The following NCAM2 variants were observed in gnomAD, a reference collection of about 807,000 sequenced individuals.
NCAM2 encodes the protein N-CAM-2.
Under a neutral mutation model 98.1 loss-of-function variants are expected in NCAM2, and 30 were observed. That is an observed-to-expected ratio of 0.31 (90% confidence interval 0.23 to 0.41). NCAM2 has a LOEUF of 0.41. Ranked by LOEUF, NCAM2 falls within the 10% of genes least tolerant of loss-of-function variation. The pLI, the probability that NCAM2 is intolerant of heterozygous loss-of-function variation, is 1.00. For synonymous variants in NCAM2, 368 were observed against 342.4 expected (o/e 1.07, Z -0.83); for missense variants, 867 against 1,005.8 (o/e 0.86, Z 1.87).
intron 12 of NCAM2, chr21:21,463,680 A>G (rs374519711): frequency 1.3e-5 from 2 of 152,094 alleles, no homozygotes; most frequent in East Asian, 1.9e-4. Context: ...GGGAAATTCC[A>G]TTCTGAGTTG....
intron 14 of NCAM2, among the ~76,000 whole-genome samples, chr21:21,474,471 A>G (rs1024520445): frequency 2.0e-5 from 3 of 152,114 alleles, no homozygotes; most frequent in South Asian, 2.1e-4. Flanking sequence ...TACCTGAAGG[A>G]CATGACATCT....
At chr21:21,364,361 C>A (rs983199781) in intron 8 of NCAM2, among the ~76,000 whole-genome samples, 2 of 151,944 alleles carry the variant, frequency 1.3e-5, no homozygotes, top group Non-Finnish European at 2.9e-5. Flanking sequence ...CCTTCTTGAA[C>A]TTCTCACCCA....
At chr21:21,147,241 T>G in intron 1 of NCAM2, 2 of 985,370 alleles carry the variant, frequency 2.0e-6, no homozygotes, top group Non-Finnish European at 2.4e-6. Flanking sequence ...ACCCGGCATT[T>G]CAACAAAAAT....
At chr21:21,473,064 A>G (rs1984660086) in intron 14 of NCAM2, among the ~76,000 whole-genome samples, 1 of 151,618 alleles carries the variant, frequency 6.6e-6, no homozygotes, top group South Asian at 2.1e-4. Context: ...TAAGATTAAT[A>G]TCTTTCTCAG....
At chr21:21,454,802 A>T (rs1981877760) in intron 12 of NCAM2, among the ~76,000 whole-genome samples, 1 of 151,964 alleles carries the variant, frequency 6.6e-6, no homozygotes, top group Admixed American at 6.6e-5. Context: ...CAGGGCTTTA[A>T]GGAGAAAACA....
chr21:21,037,873 T>G (rs1326494820), intron 1 of NCAM2, among the ~76,000 whole-genome samples: 1 of 152,170 alleles, frequency 6.6e-6, no homozygotes, highest in African/African-American at 2.4e-5. Context: ...ATGGTTTAAT[T>G]TTTTGATAGT....
chr21:21,121,440 A>T (rs2066672751), intron 1 of NCAM2, among the ~76,000 whole-genome samples: 1 of 152,168 alleles, frequency 6.6e-6, no homozygotes, highest in African/African-American at 2.4e-5. Flanking sequence ...CAAATAATTG[A>T]AGAAATTTTG....
chr21:21,077,021 G>A (rs1422706875), intron 1 of NCAM2, among the ~76,000 whole-genome samples: 1 of 152,134 alleles, frequency 6.6e-6, no homozygotes, highest in Non-Finnish European at 1.5e-5. Flanking sequence ...AGTGGGTGGA[G>A]TGGAGAGGTC....
At chr21:21,174,125 G>A (rs2068208250) in intron 1 of NCAM2, among the ~76,000 whole-genome samples, 1 of 152,036 alleles carries the variant, frequency 6.6e-6, no homozygotes, top group African/African-American at 2.4e-5. Flanking sequence ...TCACCATGTT[G>A]GCCAAGCTGG....
chr21:21,074,947 T>C (rs1243843767), intron 1 of NCAM2, among the ~76,000 whole-genome samples: 1 of 152,024 alleles, frequency 6.6e-6, no homozygotes, highest in Non-Finnish European at 1.5e-5. Context: ...CAAATGCCCA[T>C]CAGTGATAAA....
chr21:21,030,713 G>T (rs2064663315), intron 1 of NCAM2, among the ~76,000 whole-genome samples: 1 of 152,242 alleles, frequency 6.6e-6, no homozygotes, highest in African/African-American at 2.4e-5. Flanking sequence ...AGGGAGGTAA[G>T]TTGGAGAATG....
chr21:21,504,353 G>GT (rs1386098003), intron 15 of NCAM2, among the ~76,000 whole-genome samples: 2 of 151,762 alleles, frequency 1.3e-5, no homozygotes, highest in African/African-American at 4.8e-5. Context: ...ACCATAAGTC[G>GT]TAAGTGTAAG....
At chr21:21,299,827 G>A (rs1193688007) in intron 5 of NCAM2, among the ~76,000 whole-genome samples, 1 of 151,788 alleles carries the variant, frequency 6.6e-6, no homozygotes, top group Non-Finnish European at 1.5e-5. Context: ...GGTATCTATG[G>A]GAAGTTGGTT....
rs141184834 is a variant in NCAM2 at position 21,176,993 on chromosome 21, C to A, written c.56-103585C>A. On this transcript the variant is annotated intron_variant, in intron 1 of 17. Transcript: ENST00000400546. ...TAAATGTCTAGCCTGTATTCAATATCAATGCCTATTTACTTAGAACATTTA... is the reference window on the plus strand; with the variant it reads ...TAAATGTCTAGCCTGTATTCAATATAAATGCCTATTTACTTAGAACATTTA... 1.3e-3 allele frequency among the ~76,000 whole-genome samples: 197 copies of A among 152,154 alleles called. 7 individuals are homozygous for A. In the East Asian group the frequency reaches 0.027, roughly 21 times the overall value.
At chr21:21,426,678 G>T (rs537158810) in intron 11 of NCAM2, among the ~76,000 whole-genome samples, 2 of 152,268 alleles carry the variant, frequency 1.3e-5, no homozygotes, top group Non-Finnish European at 2.9e-5. Context: ...GGAATGGGGA[G>T]TTCGGATGCT....
At chr21:21,092,140 A>G (rs2066026230) in intron 1 of NCAM2, among the ~76,000 whole-genome samples, 1 of 152,098 alleles carries the variant, frequency 6.6e-6, no homozygotes, top group Non-Finnish European at 1.5e-5. Context: ...CTGTGATCAC[A>G]AGGGTCTGTT....
chr21:21,447,363 C>T (rs1185526578), intron 12 of NCAM2, among the ~76,000 whole-genome samples: 1 of 152,084 alleles, frequency 6.6e-6, no homozygotes, highest in Non-Finnish European at 1.5e-5. Context: ...AAAACTGAAA[C>T]TGGACCCCTT....
At chr21:21,018,854 TC>T (rs2064372029) in intron 1 of NCAM2, among the ~76,000 whole-genome samples, 1 of 147,430 alleles carries the variant, frequency 6.8e-6, no homozygotes. Flanking sequence ...TAGAGAGCTT[TC>T]CTTTTTCTAT....
chr21:21,298,680 T>A (rs1327354384), intron 5 of NCAM2, among the ~76,000 whole-genome samples: 4 of 151,638 alleles, frequency 2.6e-5, no homozygotes, highest in South Asian at 4.1e-4. Flanking sequence ...TTTCTTTGCT[T>A]TTCTCTTCCA....
Sources: gnomAD v4.1 joint callset for allele counts (sites outside exome capture counted in the v4.1 genomes callset) on GRCh38, gnomAD v4.1.1 for gene constraint, MANE v1.5 for transcripts, NCBI Gene and HGNC (gene_info 2026-07-23, HGNC 2026-07-21) for gene names.